NEBL: variants seen among roughly 807,000 people sequenced by gnomAD.
NEBL encodes the protein LIM and SH3 protein 2.
A neutral mutation model predicts 140.2 loss-of-function variants in NEBL; 122 were observed. The ratio of observed to expected loss-of-function variants is 0.87; its 90% CI spans 0.75 to 1.01. The LOEUF (loss-of-function observed/expected upper bound fraction) is 1.01. Ranked by LOEUF, NEBL falls within the 50% of genes least tolerant of loss-of-function variation. The pLI, the probability that NEBL is intolerant of heterozygous loss-of-function variation, is 0.00. For missense variants in NEBL, 1,365 were observed against 1,231.3 expected, an observed-to-expected ratio of 1.11 and a Z score of -1.62; for synonymous variants, 436 against 398.9, an observed-to-expected ratio of 1.09 and a Z score of -1.11.
At chr10:21,073,616 T>C (rs11012505) in intron 2 of NEBL, among the ~76,000 whole-genome samples, 2,452 of 93,198 alleles carry the variant, frequency 0.026, 60 homozygotes, top group African/African-American at 0.12. Context: ...GACTCTGTCG[T>C]CAAAAAAAAA....
At position 21,215,927 on chromosome 10, in the gene NEBL, T is replaced by A. The variant is rs1168260518; in HGVS notation, n.348+31994A>T. On this transcript the variant is annotated intron_variant and non_coding_transcript_variant, in intron 3 of 8. Transcript: ENST00000675702. ...CTCAAGTGATCTTCCTGTCTCAGCCTCCCAAAGTGCTGGAATTATAGGCGT... is the reference window on the plus strand; with the variant it reads ...CTCAAGTGATCTTCCTGTCTCAGCCACCCAAAGTGCTGGAATTATAGGCGT... Among the ~76,000 whole-genome samples, 5 of 152,186 alleles carry A rather than the reference T, an allele frequency of 3.3e-5. No individual in the cohort carries two copies. The South Asian group carries it at 1.0e-3, about 31-fold the overall frequency.
upstream of NEBL, chr10:20,897,537 C>T: frequency 9.3e-7 from 1 of 1,080,562 alleles, no homozygotes; most frequent in Non-Finnish European, 1.1e-6. Flanking sequence ...TAATTCTATT[C>T]ATTCATAAAA....
chr10:20,832,476 A>C (rs1165838648), intron 14 of NEBL, among the ~76,000 whole-genome samples: 2 of 152,174 alleles, frequency 1.3e-5, no homozygotes, highest in African/African-American at 4.8e-5. Flanking sequence ...CTTACAAGAT[A>C]GTCATAATTA....
intron 23 of NEBL, 144 bp downstream of exon 23, chr10:20,813,794 AT>A (rs1838407910): frequency 3.0e-6 from 2 of 674,222 alleles, no homozygotes; most frequent in African/African-American, 1.8e-5. Flanking sequence ...TTTCAGTGTG[AT>A]TAGAAATGCC....
At chr10:20,984,858 T>C (rs1426652694) in intron 3 of NEBL, among the ~76,000 whole-genome samples, 1 of 152,144 alleles carries the variant, frequency 6.6e-6, no homozygotes, top group Non-Finnish European at 1.5e-5. Flanking sequence ...GCTCCCATTA[T>C]CGCCTGAGCT....
chr10:21,211,668 C>A (rs527647647), intron 3 of NEBL, among the ~76,000 whole-genome samples: 1 of 152,116 alleles, frequency 6.6e-6, no homozygotes, highest in Admixed American at 6.6e-5. Context: ...AACCCAGTTA[C>A]GTCAACTTCA....
chr10:21,051,606 AT>A (rs1834782936), intron 2 of NEBL, among the ~76,000 whole-genome samples: 1 of 152,388 alleles, frequency 6.6e-6, no homozygotes, highest in African/African-American at 2.4e-5. Flanking sequence ...GCACAAAAAA[AT>A]CTATGACACA....
At chr10:20,915,990 T>C (rs961432619) in intron 4 of NEBL, among the ~76,000 whole-genome samples, 1 of 152,230 alleles carries the variant, frequency 6.6e-6, no homozygotes, top group African/African-American at 2.4e-5. Context: ...CACTTAGTTA[T>C]ATAGGACAGT....
At chr10:21,217,769 A>T (rs1174275735) in intron 3 of NEBL, 1 of 152,222 alleles carries the variant, frequency 6.6e-6, no homozygotes, top group African/African-American at 2.4e-5. Flanking sequence ...AGTAGTCATT[A>T]TTATAAAGCT....
At chr10:20,832,088 T>C (rs930083348) in intron 14 of NEBL, among the ~76,000 whole-genome samples, 1 of 152,174 alleles carries the variant, frequency 6.6e-6, no homozygotes, top group Non-Finnish European at 1.5e-5. Flanking sequence ...TGGACTTAGC[T>C]GGGCTTAAAT....
At chr10:21,080,764 A>T (rs955070160) in intron 2 of NEBL, among the ~76,000 whole-genome samples, 1 of 152,192 alleles carries the variant, frequency 6.6e-6, no homozygotes, top group Non-Finnish European at 1.5e-5. Context: ...TGGAATGATT[A>T]TATACCCTCC....
intron 2 of NEBL, chr10:21,146,507 A>G (rs751753130): frequency 2.5e-6 from 4 of 1,609,882 alleles, no homozygotes; most frequent in Admixed American, 1.7e-5. Context: ...ACTTTTAGCC[A>G]TCCTACTCCT....
At chr10:21,034,166 C>G (rs1242418272) in intron 2 of NEBL, among the ~76,000 whole-genome samples, 2 of 70,404 alleles carry the variant, frequency 2.8e-5, no homozygotes, top group Non-Finnish European at 4.9e-5. Flanking sequence ...GACCCTATCT[C>G]GAAAAAAAAA....
upstream of NEBL, among the ~76,000 whole-genome samples, chr10:21,179,091 TC>T (rs1269128064): frequency 2.6e-5 from 4 of 152,160 alleles, no homozygotes; most frequent in Admixed American, 2.0e-4. Context: ...ACAAGGGGCC[TC>T]CTAATGAAAC....
chr10:21,235,398 G>C (rs1334713915), intron 3 of NEBL, among the ~76,000 whole-genome samples: 9 of 152,116 alleles, frequency 5.9e-5, no homozygotes, highest in Admixed American at 2.6e-4. Context: ...GACTGCAGTG[G>C]CGCGATCTCG....
intron 3 of NEBL, among the ~76,000 whole-genome samples, chr10:21,205,386 A>G (rs1403154799): frequency 6.6e-6 from 1 of 152,240 alleles, no homozygotes; most frequent in Non-Finnish European, 1.5e-5. Context: ...GGCAATGTAT[A>G]TAATGTCAAA....
At chr10:21,028,245 A>AGAAGAAGAAGAAGAAGAAGAAGAAG (rs1554819348) in intron 2 of NEBL, among the ~76,000 whole-genome samples, 1 of 32,264 alleles carries the variant, frequency 3.1e-5, no homozygotes, top group Non-Finnish European at 7.3e-5. Context: ...CAAAAAAAAA[A>AGAAGAAGAAGAAGAAGAAGAAGAAG]AAAAAAAAAA....
intron 2 of NEBL, among the ~76,000 whole-genome samples, chr10:21,251,392 T>C (rs1385571373): frequency 6.6e-6 from 1 of 152,204 alleles, no homozygotes; most frequent in East Asian, 1.9e-4. Context: ...GTTGTAATAG[T>C]CTATTTCAGT....
At chr10:20,888,440 C>T (rs1846727721) in intron 3 of NEBL, among the ~76,000 whole-genome samples, 1 of 152,188 alleles carries the variant, frequency 6.6e-6, no homozygotes, top group Non-Finnish European at 1.5e-5. Flanking sequence ...GACATAATGG[C>T]TTTCTATTTA....
Sources: allele counts gnomAD v4.1 joint callset (sites outside exome capture counted in the v4.1 genomes callset), GRCh38; gene constraint gnomAD v4.1.1; transcripts MANE v1.5; gene names NCBI Gene and HGNC (gene_info 2026-07-23, HGNC 2026-07-21).